The following GRM5 variants were observed in gnomAD, a reference collection of about 807,000 sequenced individuals.
GRM5 encodes the protein glutamate metabotropic receptor 5, also known as metabotropic glutamate receptor 5.
Under a neutral mutation model 83.1 loss-of-function variants are expected in GRM5, and 19 were observed. The ratio of observed to expected loss-of-function variants is 0.23; its 90% confidence interval spans 0.16 to 0.34. The LOEUF (loss-of-function observed/expected upper bound fraction) is 0.34. GRM5 is among the 10% of genes least tolerant of loss of function. The probability of loss-of-function intolerance (pLI) is 1.00; values close to 1 mark genes in which losing one functional copy is unlikely to be tolerated. For synonymous variants in GRM5, 675 were observed against 633.6 expected (o/e 1.07, Z -0.98); for missense variants, 1,160 against 1,588.3 (o/e 0.73, Z 4.58).
intron 9 of GRM5, among the ~76,000 whole-genome samples, chr11:88,524,242 G>C (rs1344856528): frequency 1.5e-5 from 1 of 68,750 alleles, no homozygotes; most frequent in African/African-American, 7.4e-5. Context: ...TTTTGAGACA[G>C]TTTTCACTCT....
At chr11:88,544,793 A>G (rs201925760) in intron 8 of GRM5, among the ~76,000 whole-genome samples, 1 of 152,214 alleles carries the variant, frequency 6.6e-6, no homozygotes, top group East Asian at 1.9e-4. Context: ...AACTCATTAC[A>G]AGAGGAGGCT....
intron 2 of GRM5, among the ~76,000 whole-genome samples, chr11:88,878,114 T>C (rs1228661120): frequency 6.6e-6 from 1 of 152,180 alleles, no homozygotes; most frequent in East Asian, 1.9e-4. Context: ...ACAGAAAATC[T>C]ACACAAGGTT....
chr11:88,873,808 A>G (rs550674228), intron 2 of GRM5, among the ~76,000 whole-genome samples: 3 of 151,850 alleles, frequency 2.0e-5, no homozygotes, highest in African/African-American at 7.2e-5. Flanking sequence ...TAAAACCTAG[A>G]AAAATGAGAA....
intron 2 of GRM5, among the ~76,000 whole-genome samples, chr11:88,948,307 T>C (rs957953375): frequency 2.6e-5 from 4 of 152,158 alleles, no homozygotes; most frequent in African/African-American, 9.7e-5. Flanking sequence ...TCAAACCAGT[T>C]TGAGTCAGGT....
chr11:88,619,417 C>A (rs1938573602), intron 4 of GRM5, among the ~76,000 whole-genome samples: 2 of 152,184 alleles, frequency 1.3e-5, no homozygotes, highest in African/African-American at 4.8e-5. Flanking sequence ...GATGTGACAA[C>A]ACTGGCTCCA....
chr11:88,786,036 CT>C (rs1375564662), intron 3 of GRM5, among the ~76,000 whole-genome samples: 2 of 152,062 alleles, frequency 1.3e-5, no homozygotes, highest in Non-Finnish European at 2.9e-5. Flanking sequence ...ATTTTCTGTT[CT>C]CTGCTTTTAT....
At chr11:88,743,246 G>A (rs535490117) in intron 3 of GRM5, among the ~76,000 whole-genome samples, 37 of 152,180 alleles carry the variant, frequency 2.4e-4, no homozygotes, top group African/African-American at 8.4e-4. Context: ...GTAAAGCTCT[G>A]AGGAAAATAT....
intron 2 of GRM5, among the ~76,000 whole-genome samples, chr11:88,976,903 G>C (rs986706597): frequency 1.3e-5 from 2 of 151,386 alleles, no homozygotes; most frequent in African/African-American, 2.4e-5. Flanking sequence ...TGTATACTTA[G>C]CATATTCCCC....
At chr11:88,963,379 C>A (rs1938843157) in intron 2 of GRM5, among the ~76,000 whole-genome samples, 1 of 152,172 alleles carries the variant, frequency 6.6e-6, no homozygotes, top group Non-Finnish European at 1.5e-5. Flanking sequence ...GCCTCACTAA[C>A]CATACAGTTA....
chr11:89,055,013 A>G (rs1391250763), intron 1 of GRM5, among the ~76,000 whole-genome samples: 7 of 152,224 alleles, frequency 4.6e-5, no homozygotes, highest in Admixed American at 2.0e-4. Context: ...AATTTCTGCA[A>G]CTTTCTCCCT....
intron 2 of GRM5, among the ~76,000 whole-genome samples, chr11:88,895,769 C>T (rs1048609588): frequency 6.6e-6 from 1 of 151,888 alleles, no homozygotes; most frequent in Admixed American, 6.6e-5. Context: ...TTGACATACA[C>T]TGTGCAATAA....
chr11:88,696,887 C>T (rs980609194), intron 3 of GRM5, among the ~76,000 whole-genome samples: 8 of 152,126 alleles, frequency 5.3e-5, no homozygotes, highest in African/African-American at 1.7e-4. Context: ...GACTAAATTT[C>T]GTGTCAAATG....
At chr11:88,926,246 G>C (rs1432429342) in intron 2 of GRM5, among the ~76,000 whole-genome samples, 1 of 152,058 alleles carries the variant, frequency 6.6e-6, no homozygotes, top group African/African-American at 2.4e-5. Flanking sequence ...CAAAAACCAG[G>C]CTGACTCCCC....
intron 2 of GRM5, among the ~76,000 whole-genome samples, chr11:88,888,638 T>C (rs567646744): frequency 6.6e-6 from 1 of 152,240 alleles, no homozygotes; most frequent in East Asian, 1.9e-4. Context: ...TTTTTTTTAC[T>C]AGTTGGGTTT....
intron 2 of GRM5, among the ~76,000 whole-genome samples, chr11:88,866,393 G>A (rs1055096741): frequency 1.1e-4 from 17 of 152,056 alleles, no homozygotes; most frequent in African/African-American, 3.1e-4. Flanking sequence ...CCACACACTG[G>A]GGCCTGTCAG....
chr11:88,631,927 GAT>G (rs1364381098), intron 4 of GRM5, among the ~76,000 whole-genome samples: 2 of 152,076 alleles, frequency 1.3e-5, no homozygotes, highest in African/African-American at 4.8e-5. Context: ...ATGTTTTATA[GAT>G]ATATATGTAT....
intron 4 of GRM5, among the ~76,000 whole-genome samples, chr11:88,615,054 G>A (rs796439696): frequency 1.3e-5 from 2 of 152,240 alleles, no homozygotes; most frequent in African/African-American, 4.8e-5. Context: ...CTGGGCCCAG[G>A]TATGTACAGA....
At chr11:89,049,949 A>G (rs1372937279) in intron 1 of GRM5, among the ~76,000 whole-genome samples, 4 of 152,190 alleles carry the variant, frequency 2.6e-5, no homozygotes, top group African/African-American at 9.6e-5. Flanking sequence ...ATCTAAAGTT[A>G]AAGAAAGCAC....
intron 2 of GRM5, among the ~76,000 whole-genome samples, chr11:88,916,058 C>T (rs1165536720): frequency 6.6e-6 from 1 of 152,042 alleles, no homozygotes; most frequent in African/African-American, 2.4e-5. Flanking sequence ...TAAATAATGG[C>T]TGTGCCATTT....
Sources: allele counts gnomAD v4.1 joint callset (sites outside exome capture counted in the v4.1 genomes callset), GRCh38; gene constraint gnomAD v4.1.1; transcripts MANE v1.5; gene names NCBI Gene and HGNC (gene_info 2026-07-23, HGNC 2026-07-21).